ASF1A: variants seen among roughly 807,000 people sequenced by gnomAD.
ASF1A encodes anti-silencing function 1A histone chaperone, also known as histone chaperone ASF1A.
A neutral mutation model predicts 22.0 loss-of-function variants in ASF1A; 5 were observed. The ratio of observed to expected loss-of-function variants is 0.23; its 90% CI spans 0.12 to 0.48. The LOEUF is 0.48. ASF1A is among the 20% of genes least tolerant of loss of function. The pLI is 0.99. For synonymous variants in ASF1A, 97 were observed against 86.7 expected, an observed-to-expected ratio of 1.12 and a Z score of -0.66; for missense variants, 137 against 240.6, an observed-to-expected ratio of 0.57 and a Z score of 2.85.
intron 3 of ASF1A, among the ~76,000 whole-genome samples, chr6:118,906,508 A>T (rs1326161992): frequency 6.6e-6 from 1 of 152,192 alleles, no homozygotes; most frequent in Non-Finnish European, 1.5e-5. Context: ...TAATTATTCA[A>T]TGATGATATT....
At position 118,894,223 on chromosome 6, in the gene ASF1A, A is replaced by G; in HGVS notation, c.-191A>G. 1.4e-6 allele frequency: 2 copies of G among 1,414,406 alleles called. No homozygotes were observed. The highest frequency in any genetic ancestry group is 1.8e-6 in the Non-Finnish European group (2 of 1,088,106). 87.6% of individuals were successfully genotyped at this position (1,414,406 alleles called of 1,614,324 possible). ...GCAGAATGGGCTGTAGTTTAGTGAA[A>G]TAGGAAAGCTGCAAAACACTGTGGA... On this transcript the variant is annotated 5_prime_UTR_variant, in exon 1 of 4. Coordinates refer to ENST00000229595, the MANE Select transcript of ASF1A (RefSeq NM_014034.3).
At chr6:118,894,924 G>C (rs985943486) in intron 1 of ASF1A, among the ~76,000 whole-genome samples, 1 of 152,184 alleles carries the variant, frequency 6.6e-6, no homozygotes, top group Non-Finnish European at 1.5e-5. Flanking sequence ...CTGTGCGTGT[G>C]GTCGCGCCGG....
chr6:118,899,132 T>C (rs530039403), intron 1 of ASF1A, among the ~76,000 whole-genome samples: 3 of 152,328 alleles, frequency 2.0e-5, no homozygotes, highest in East Asian at 3.9e-4. Context: ...CATGCCACCA[T>C]AATTTCTTGC....
intron 1 of ASF1A, 143 bp downstream of exon 1, chr6:118,894,665 G>A (rs1779223590): frequency 2.8e-6 from 2 of 721,230 alleles, no homozygotes; most frequent in Non-Finnish European, 4.4e-6. Context: ...TGAAGTTGAT[G>A]GACGACGGCC....
chr6:118,898,684 C>T (rs1462631876), intron 1 of ASF1A, among the ~76,000 whole-genome samples: 1 of 152,194 alleles, frequency 6.6e-6, no homozygotes, highest in Admixed American at 6.5e-5. Flanking sequence ...TCCCACAATG[C>T]TGGGATTACA....
At position 118,894,280 on chromosome 6, in the gene ASF1A, G is replaced by C; in HGVS notation, c.-134G>C. ...CCGTGTAAATAAAAAGAGGAAAAAAGTTTCTCAAGTCGCCGCTGCACGACG... is the reference window on the plus strand; with the variant it reads ...CCGTGTAAATAAAAAGAGGAAAAAACTTTCTCAAGTCGCCGCTGCACGACG... On this transcript the variant is annotated 5_prime_UTR_variant, in exon 1 of 4. Coordinates refer to ENST00000229595, the MANE Select transcript of ASF1A (RefSeq NM_014034.3). 4.1e-6 allele frequency: 6 copies of C among 1,465,790 alleles called. No individual in the cohort carries two copies. The highest frequency in any genetic ancestry group is 1.4e-5 in the South Asian group (1 of 71,746). The allele number at this position is 1,465,790 out of a possible 1,614,324, so 90.8% of individuals were successfully genotyped here.
Position 118,894,197 on chromosome 6 carries a change from A to G in ASF1A, c.-217A>G, listed in dbSNP as rs1033374855. 2.9e-6 allele frequency: 4 copies of G among 1,370,846 alleles called. No individual in the cohort carries two copies. Among genetic ancestry groups the G allele is most frequent in the Non-Finnish European group, 3.8e-6 (4 of 1,063,014 alleles). The allele number at this position is 1,370,846 out of a possible 1,614,324, so 84.9% of individuals were successfully genotyped here. ...CGAGGGCAACGCTGCTACTTATCAG[A>G]GCAGAATGGGCTGTAGTTTAGTGAA... On this transcript the variant is annotated 5_prime_UTR_variant, in exon 1 of 4. Transcript: ENST00000229595.
At chr6:118,903,807 A>C (rs951558911) in intron 2 of ASF1A, among the ~76,000 whole-genome samples, 1 of 152,186 alleles carries the variant, frequency 6.6e-6, no homozygotes, top group Non-Finnish European at 1.5e-5. Flanking sequence ...GGATAATCTC[A>C]AATTCCTGGG....
intron 1 of ASF1A, among the ~76,000 whole-genome samples, chr6:118,894,882 G>A (rs1236488754): frequency 6.6e-6 from 1 of 152,162 alleles, no homozygotes; most frequent in African/African-American, 2.4e-5. Flanking sequence ...GCGACCCTCC[G>A]GGCCCGAGCA....
rs1230113250 is a variant in ASF1A, at chr6:118,908,658, CA to C, written c.*1047del. 2.0e-5 allele frequency: 3 copies of C among 152,176 alleles called. No individual in the cohort carries two copies. The highest frequency in any genetic ancestry group is 7.2e-5 in the African/African-American group (3 of 41,438). 9.4% of individuals were successfully genotyped at this position (152,176 alleles called of 1,614,324 possible). A position where few individuals can be genotyped will look rare whatever the true frequency, so the allele number is the denominator to read the frequency against. On this transcript the variant is annotated 3_prime_UTR_variant, in exon 4 of 4. Coordinates refer to ENST00000229595, the MANE Select transcript of ASF1A (RefSeq NM_014034.3). ...GACATACTCTAGATAGCTTTTCCAA[CA>C]AATCTTTGAAAAGCAATCTTGGAAA... is the stretch of plus-strand genomic sequence containing the variant.
chr6:118,900,675 A>T, intron 1 of ASF1A, 91 bp from the exon 2 acceptor site: 1 of 882,424 alleles, frequency 1.1e-6, no homozygotes, highest in Non-Finnish European at 1.9e-6. Context: ...TAAAGCCAGT[A>T]AGTGGCTAAG....
chr6:118,900,616 T>C lies in ASF1A; in HGVS notation c.110-150T>C, dbSNP rs115485637. On this transcript the variant is annotated intron_variant, in intron 1 of 3. Coordinates refer to ENST00000229595, the MANE Select transcript of ASF1A (RefSeq NM_014034.3). ...AAAGTGTGAACTCTGGTAGGAACTT[T>C]ATAAGGAGCATTTCACTGCCTTTCT... The C allele has an allele frequency of 2.2e-3, 1,384 of 626,326 alleles. 9 individuals carry two copies. The highest frequency in any genetic ancestry group is 0.022 in the African/African-American group (1,208 of 54,884). The allele number at this position is 626,326 out of a possible 1,614,324, so 38.8% of individuals were successfully genotyped here. A position where few individuals can be genotyped will look rare whatever the true frequency, so the allele number is the denominator to read the frequency against.
At position 118,907,709 on chromosome 6, in the gene ASF1A, A is replaced by G. The variant is rs542163773; in HGVS notation, c.*95A>G. 5.4e-5 allele frequency: 52 copies of G among 955,422 alleles called. 1 individual carries two copies. The African/African-American group carries it at 6.7e-4, about 12-fold the overall frequency. 59.2% of individuals were successfully genotyped at this position (955,422 alleles called of 1,614,324 possible). On this transcript the variant is annotated 3_prime_UTR_variant, in exon 4 of 4. Coordinates refer to ENST00000229595, the MANE Select transcript of ASF1A (RefSeq NM_014034.3). ...AAGTACATAGTCAAAACACAATGTG[A>G]AGAATTTGTTTAAAAACATCCTGTA...
At chr6:118,904,589 G>A (rs115368406) in intron 2 of ASF1A, among the ~76,000 whole-genome samples, 1,596 of 152,256 alleles carry the variant, frequency 0.01, 30 homozygotes, top group African/African-American at 0.036. Flanking sequence ...CCTGCCCTTC[G>A]CTCATGCTCT....
intron 1 of ASF1A, among the ~76,000 whole-genome samples, chr6:118,896,884 A>T (rs1483310364): frequency 6.6e-6 from 1 of 151,798 alleles, no homozygotes; most frequent in Non-Finnish European, 1.5e-5. Context: ...CTCAGGCTGG[A>T]TGGAGTACAG....
chr6:118,900,782 T>G lies in ASF1A; in HGVS notation c.126T>G (p.Ile42Met), dbSNP rs1161320394. Residue 42 changes from isoleucine (I) to methionine (M), a missense_variant, in exon 2 of 4, where the codon ATT becomes ATG. Around this residue, in one of 2 missense-constraint regions of ASF1A, gnomAD observed 96 missense variants for 196.7 expected, o/e 0.49. Coordinates refer to ENST00000229595, the MANE Select transcript of ASF1A (RefSeq NM_014034.3). ...TAACCCTAGACTTGGAATGGAAAAT[T>G]ATCTATGTGGGCTCTGCAGAAAGTG... is the stretch of plus-strand genomic sequence containing the variant. ...EDLSEDLEWK[I>M]IYVGSAESEE... The G allele has an allele frequency of 3.7e-6, 6 of 1,613,004 alleles. No homozygotes were observed.
At chr6:118,906,736 A>C (rs1583622683) in intron 3 of ASF1A, among the ~76,000 whole-genome samples, 1 of 152,320 alleles carries the variant, frequency 6.6e-6, no homozygotes, top group East Asian at 1.9e-4. Context: ...CTGATTTTTC[A>C]CTGGGAACTA....
intron 1 of ASF1A, among the ~76,000 whole-genome samples, chr6:118,898,363 G>A (rs1779576507): frequency 6.6e-6 from 1 of 151,908 alleles, no homozygotes; most frequent in African/African-American, 2.4e-5. Context: ...AGGATCAAGG[G>A]CATTATATGT....
Position 118,894,325 on chromosome 6 carries a change from G to T in ASF1A, c.-89G>T, listed in dbSNP as rs142622007. 6.6e-7 allele frequency: 1 copy of T among 1,515,652 alleles called. No homozygotes were observed. The highest frequency in any genetic ancestry group is 1.4e-5 in the African/African-American group (1 of 72,174). 93.9% of individuals were successfully genotyped at this position (1,515,652 alleles called of 1,614,324 possible). On this transcript the variant is annotated 5_prime_UTR_variant, in exon 1 of 4. Coordinates refer to ENST00000229595, the MANE Select transcript of ASF1A (RefSeq NM_014034.3). ...ACGACGTCTGGCCGGCGCTGGAGCG[G>T]GGGTCTGCGCTCTCCCGAGCGGCCG...
Sources: gnomAD v4.1 joint callset for allele counts (sites outside exome capture counted in the v4.1 genomes callset) on GRCh38, gnomAD v4.1.1 for gene constraint, gnomAD v4.1.1 regional missense constraint, MANE v1.5 for transcripts, NCBI Gene and HGNC (gene_info 2026-07-23, HGNC 2026-07-21) for gene names.